DPP6: variants seen among roughly 807,000 people sequenced by gnomAD.
DPP6 encodes dipeptidyl peptidase like 6, also known as A-type potassium channel modulatory protein DPP6.
Under a neutral mutation model 122.6 loss-of-function variants are expected in DPP6, and 69 were observed. The observed-to-expected ratio is 0.56, with a 90% CI of 0.46 to 0.69. DPP6 has a LOEUF of 0.69. Among genes scored for constraint, DPP6 ranks in the 30% least tolerant of loss-of-function variants. The pLI is 0.00. For missense variants in DPP6, 928 were observed against 1,116.9 expected, an observed-to-expected ratio of 0.83 and a Z score of 2.41; for synonymous variants, 418 against 433.1, an observed-to-expected ratio of 0.97 and a Z score of 0.43.
rs1807125364 is a variant in DPP6, at chr7:154,313,697, A to ATATATATATATATATATATATATAT, written c.244-132499_244-132498insTATATATTATATATATATATATATA. ...ATTTTAAGATATGGTATATATATAT[A>ATATATATATATATATATATATATAT]TATATATATATATATATACACACAC... On this transcript the variant is annotated intron_variant, in intron 1 of 25. Transcript: ENST00000377770. 4.7e-4 allele frequency among the ~76,000 whole-genome samples: 12 copies of ATATATATATATATATATATATATAT among 25,332 alleles called. 1 individual carries two copies. Among genetic ancestry groups the ATATATATATATATATATATATATAT allele is most frequent in the Admixed American group, 7.7e-4 (2 of 2,582 alleles). The allele number at this position is 25,332 out of a possible 152,430, so 16.6% of individuals were successfully genotyped here.
At chr7:154,287,705 C>A (rs1248046437) in intron 1 of DPP6, among the ~76,000 whole-genome samples, 1 of 152,158 alleles carries the variant, frequency 6.6e-6, no homozygotes, top group Non-Finnish European at 1.5e-5. Context: ...ATTAGGACTC[C>A]CTGATGGGCC....
At chr7:154,634,612 A>G (rs1835615968) in intron 5 of DPP6, among the ~76,000 whole-genome samples, 1 of 151,792 alleles carries the variant, frequency 6.6e-6, no homozygotes, top group African/African-American at 2.4e-5. Context: ...AACAATTAAA[A>G]GCAGTTCTCT....
intron 1 of DPP6, among the ~76,000 whole-genome samples, chr7:154,328,565 G>A (rs547159432): frequency 7.2e-5 from 11 of 152,290 alleles, no homozygotes; most frequent in Admixed American, 1.3e-4. Flanking sequence ...GTCTAAAGTA[G>A]CAGGGGAAGC....
chr7:154,040,757 A>AT (rs1799719563), intron 1 of DPP6, among the ~76,000 whole-genome samples: 1 of 152,116 alleles, frequency 6.6e-6, no homozygotes, highest in Non-Finnish European at 1.5e-5. Flanking sequence ...GGGCTGGAAC[A>AT]TTTTTCCTTT....
chr7:154,571,663 C>T (rs1831117267), intron 5 of DPP6, among the ~76,000 whole-genome samples: 1 of 152,080 alleles, frequency 6.6e-6, no homozygotes, highest in Non-Finnish European at 1.5e-5. Context: ...TCATTCTGGT[C>T]CAAATGAAAT....
intron 5 of DPP6, among the ~76,000 whole-genome samples, chr7:154,628,208 A>C (rs1310681972): frequency 2.0e-5 from 3 of 152,162 alleles, no homozygotes; most frequent in African/African-American, 4.8e-5. Context: ...TTCAGTGTTG[A>C]AGTATTTCAG....
chr7:154,247,633 G>A (rs1030030804), intron 1 of DPP6, among the ~76,000 whole-genome samples: 8 of 152,034 alleles, frequency 5.3e-5, no homozygotes, highest in Non-Finnish European at 1.2e-4. Flanking sequence ...CAACACAAAC[G>A]CTCATACATT....
chr7:154,532,514 T>A (rs1317473518), intron 3 of DPP6, among the ~76,000 whole-genome samples: 1 of 151,976 alleles, frequency 6.6e-6, no homozygotes, highest in Non-Finnish European at 1.5e-5. Context: ...TGAAGTAGAA[T>A]ACAGAAATAA....
At chr7:153,893,265 C>G (rs1799282150) in intron 1 of DPP6, among the ~76,000 whole-genome samples, 2 of 152,208 alleles carry the variant, frequency 1.3e-5, no homozygotes, top group Non-Finnish European at 2.9e-5. Flanking sequence ...GCCATCATCT[C>G]CTTTTCTGTA....
the DPP6 span, among the ~76,000 whole-genome samples, chr7:153,848,168 G>T: frequency 6.6e-6 from 1 of 152,082 alleles, no homozygotes; most frequent in Non-Finnish European, 1.5e-5. Flanking sequence ...AGCGCTGAGG[G>T]CATTTATTTA....
intron 5 of DPP6, among the ~76,000 whole-genome samples, chr7:154,617,388 G>C (rs183899325): frequency 2.8e-4 from 42 of 152,296 alleles, no homozygotes; most frequent in African/African-American, 9.4e-4. Flanking sequence ...TAACTCTACT[G>C]CCATATCCAT....
intron 1 of DPP6, among the ~76,000 whole-genome samples, chr7:154,097,613 C>G (rs1250208079): frequency 1.3e-5 from 2 of 152,236 alleles, no homozygotes; most frequent in African/African-American, 4.8e-5. Context: ...TAATAAATTA[C>G]CCCAACACTT....
chr7:154,551,291 G>A lies in DPP6; in HGVS notation c.552+10665G>A, dbSNP rs1268902191. ...TTGTTTGATTAGCAAATGCAGGTGGGGAAAAATTTTTAGCAGTTTCTCTCT... is the reference window on the plus strand; with the variant it reads ...TTGTTTGATTAGCAAATGCAGGTGGAGAAAAATTTTTAGCAGTTTCTCTCT... On this transcript the variant is annotated intron_variant, in intron 4 of 25. Transcript: ENST00000377770. Among the ~76,000 whole-genome samples, 4 of 152,088 alleles carry A rather than the reference G, an allele frequency of 2.6e-5. No homozygotes were observed. In the South Asian group the frequency reaches 8.3e-4, roughly 31 times the overall value.
chr7:153,893,468 C>T (rs1799289628), intron 1 of DPP6, among the ~76,000 whole-genome samples: 1 of 152,210 alleles, frequency 6.6e-6, no homozygotes, highest in African/African-American at 2.4e-5. Flanking sequence ...ATATTTGTTC[C>T]TTGCTTAGGA....
intron 1 of DPP6, among the ~76,000 whole-genome samples, chr7:154,271,299 CAG>C (rs1221918452): frequency 2.0e-5 from 3 of 152,124 alleles, no homozygotes; most frequent in African/African-American, 7.2e-5. Context: ...GTAGCAAACT[CAG>C]AGGGGACAAA....
chr7:154,334,241 T>G (rs182504970), intron 1 of DPP6, among the ~76,000 whole-genome samples: 2 of 152,066 alleles, frequency 1.3e-5, no homozygotes, highest in East Asian at 3.9e-4. Flanking sequence ...TAGCTTTTCC[T>G]GATCCCTAAG....
At chr7:154,309,245 T>TCA (rs1806639779) in intron 1 of DPP6, among the ~76,000 whole-genome samples, 1 of 152,226 alleles carries the variant, frequency 6.6e-6, no homozygotes, top group Admixed American at 6.5e-5. Flanking sequence ...GCTGTTCTCA[T>TCA]CACACCTTGT....
At chr7:153,796,482 T>G in the DPP6 span, among the ~76,000 whole-genome samples, 1 of 145,592 alleles carries the variant, frequency 6.9e-6, no homozygotes, top group Non-Finnish European at 1.5e-5. Context: ...TTGCCCAAAT[T>G]GAAGCCTGGT....
chr7:154,137,085 T>C (rs1370584267), intron 1 of DPP6, among the ~76,000 whole-genome samples: 1 of 152,220 alleles, frequency 6.6e-6, no homozygotes, highest in Non-Finnish European at 1.5e-5. Context: ...CCTATACCTT[T>C]TTGTTAGTTC....
Sources: gnomAD v4.1 joint callset for allele counts (sites outside exome capture counted in the v4.1 genomes callset) on GRCh38, gnomAD v4.1.1 for gene constraint, MANE v1.5 for transcripts, NCBI Gene and HGNC (gene_info 2026-07-23, HGNC 2026-07-21) for gene names.